Variants in COBL observed in about 807,000 individuals in gnomAD.
COBL encodes protein cordon-bleu.
In COBL, 51 loss-of-function variants were observed where a neutral mutation model predicts 98.8. The ratio of observed to expected loss-of-function variants is 0.52; its 90% confidence interval spans 0.41 to 0.65. The LOEUF is 0.65. Ranked by LOEUF, COBL falls within the 30% of genes least tolerant of loss-of-function variation. The pLI, the probability that COBL is intolerant of heterozygous loss-of-function variation, is 0.00. For missense variants in COBL, 1,617 were observed against 1,617.5 expected, an observed-to-expected ratio of 1.00 and a Z score of 0.01; for synonymous variants, 634 against 651.7, an observed-to-expected ratio of 0.97 and a Z score of 0.41.
rs1201453688 is a variant in COBL at position 51,190,857 on chromosome 7, G to A, written c.678C>T (p.Asn226=). The change falls in exon 4 of 13, where the codon AAC becomes AAT. Residue 226 remains asparagine (N), a synonymous_variant. Coordinates refer to ENST00000265136, the MANE Select transcript of COBL (RefSeq NM_015198.5). ...GACGCAGCGGGGCCTCACCTCTTCT[G>A]TTGTCCCACGCGTAGAGCTCCTTTA... is the stretch of plus-strand genomic sequence containing the variant. The part of the protein sequence containing the change: ...LGIKELYAWD[N]RRETFRKSSL... 6.2e-7 allele frequency: 1 copy of A among 1,613,720 alleles called. No homozygotes were observed. Among genetic ancestry groups the A allele is most frequent in the Non-Finnish European group, 8.5e-7 (1 of 1,179,778 alleles).
chr7:51,024,165 CG>C (rs937254931), intron 12 of COBL, among the ~76,000 whole-genome samples: 1 of 151,884 alleles, frequency 6.6e-6, no homozygotes, highest in Non-Finnish European at 1.5e-5. Context: ...AAAAATTAGC[CG>C]GGCGTGGTGG....
Position 51,025,288 on chromosome 7 carries a change from C to A in COBL, c.3589G>T (p.Asp1197Tyr). ...AQGSESPLLE[D>Y]LGLLSPPAIP... is the part of the protein sequence containing the mutation. Reference sequence around the variant, plus strand: ...GCTGGTGGGGACAGAAGACCAAGGTCTTCTAGCAGAGGACTTTCCGAGCCC... The same window carrying A: ...GCTGGTGGGGACAGAAGACCAAGGTATTCTAGCAGAGGACTTTCCGAGCCC... The change falls in exon 12 of 13, where the codon GAC becomes TAC. Residue 1197 changes from aspartate to tyrosine, a missense_variant. Around this residue, in one of 3 missense-constraint regions of COBL, gnomAD observed 1,304 missense variants for 1,282.0 expected, o/e 1.02. Transcript: ENST00000265136. 6.2e-7 allele frequency: 1 copy of A among 1,611,824 alleles called. No individual in the cohort carries two copies. The highest frequency in any genetic ancestry group is 8.5e-7 in the Non-Finnish European group (1 of 1,179,544).
chr7:51,100,084 C>T (rs747310391), intron 6 of COBL, among the ~76,000 whole-genome samples: 2 of 152,188 alleles, frequency 1.3e-5, no homozygotes, highest in African/African-American at 2.4e-5. Flanking sequence ...TTGTTGATAA[C>T]ACTGAAAGCC....
At chr7:51,055,061 G>A (rs986488117) in intron 7 of COBL, among the ~76,000 whole-genome samples, 3 of 152,274 alleles carry the variant, frequency 2.0e-5, no homozygotes, top group Admixed American at 6.5e-5. Flanking sequence ...AGAGAGAAGA[G>A]GACTTGCAGA....
At chr7:51,188,081 T>G in intron 4 of COBL, 1 of 758,400 alleles carries the variant, frequency 1.3e-6, no homozygotes, top group Non-Finnish European at 1.8e-6. Context: ...TGAGAAGGTC[T>G]CTTGCTGGGT....
chr7:51,023,609 C>T (rs10254832), intron 12 of COBL, among the ~76,000 whole-genome samples: 1,650 of 152,326 alleles, frequency 0.011, 23 homozygotes, highest in African/African-American at 0.038. Flanking sequence ...AAAGTTGTGA[C>T]CTCTGGGTGT....
chr7:51,028,365 T>C lies in COBL; in HGVS notation c.2731A>G (p.Lys911Glu). ...TGTGGGCTGGATGTCCTGTCATCTT[T>C]CACAGTGACAGGTGGTGCAGCCAGC... ...PVLAAPPVTV[K>E]DDRTSSPHSE... The change falls in exon 10 of 13, where the codon AAA becomes GAA. Residue 911 changes from lysine to glutamate, a missense_variant. Transcript: ENST00000265136. 1.2e-6 allele frequency: 2 copies of C among 1,614,278 alleles called. No individual in the cohort carries two copies. Among genetic ancestry groups the C allele is most frequent in the East Asian group, 4.5e-5 (2 of 44,882 alleles).
At position 51,030,961 on chromosome 7, in the gene COBL, A is replaced by G. The variant is rs1356747468; in HGVS notation, c.1407-52T>C. The G allele has an allele frequency of 4.2e-6, 5 of 1,188,698 alleles. No individual in the cohort carries two copies. The Admixed American group carries it at 6.8e-5, about 16-fold the overall frequency. The allele number at this position is 1,188,698 out of a possible 1,614,324, so 73.6% of individuals were successfully genotyped here. ...ACTCATTTCTCTTACTATTGATTTAATGTACTCCTTTCCAGGAATATCTGA... is the reference window on the plus strand; with the variant it reads ...ACTCATTTCTCTTACTATTGATTTAGTGTACTCCTTTCCAGGAATATCTGA... On this transcript the variant is annotated intron_variant, in intron 8 of 12. Transcript: ENST00000265136.
chr7:51,024,843 G>C (rs1054396018), intron 12 of COBL, among the ~76,000 whole-genome samples: 2 of 152,176 alleles, frequency 1.3e-5, no homozygotes, highest in Non-Finnish European at 2.9e-5. Flanking sequence ...GTGGGGTTTA[G>C]ATTCCACCTG....
At chr7:51,100,257 C>T (rs771773779) in intron 6 of COBL, among the ~76,000 whole-genome samples, 4 of 152,186 alleles carry the variant, frequency 2.6e-5, no homozygotes, top group Non-Finnish European at 4.4e-5. Context: ...TTAAATGCCA[C>T]GATTTCACTT....
intron 6 of COBL, among the ~76,000 whole-genome samples, chr7:51,112,819 T>C (rs1020616557): frequency 1.3e-5 from 2 of 152,172 alleles, no homozygotes; most frequent in African/African-American, 4.8e-5. Context: ...AGTTGCCCCA[T>C]CTAGATCTGT....
intron 1 of COBL, among the ~76,000 whole-genome samples, chr7:51,262,613 G>A (rs1342023043): frequency 6.6e-6 from 1 of 152,218 alleles, no homozygotes; most frequent in Non-Finnish European, 1.5e-5. Context: ...AACCAACAGG[G>A]TGCTGGCGGC....
chr7:51,018,817 G>A (rs534898113), intron 12 of COBL, among the ~76,000 whole-genome samples: 33 of 147,450 alleles, frequency 2.2e-4, no homozygotes, highest in Middle Eastern at 3.5e-3. Flanking sequence ...GCTTGAACCC[G>A]GGAGGTAGAG....
At chr7:51,191,301 TAAC>T (rs1790096232) in intron 3 of COBL, among the ~76,000 whole-genome samples, 1 of 152,152 alleles carries the variant, frequency 6.6e-6, no homozygotes, top group Admixed American at 6.5e-5. Context: ...AACAAGCTGC[TAAC>T]AACACAGCGA....
chr7:51,296,892 C>G (rs1402073746), intron 1 of COBL, among the ~76,000 whole-genome samples: 3 of 152,178 alleles, frequency 2.0e-5, no homozygotes, highest in Admixed American at 6.5e-5. Context: ...AAATAGAACT[C>G]CCAGGCTGGC....
At position 51,311,064 on chromosome 7, in the gene COBL, CTACAAAAGTATTTG is replaced by C. The variant is rs547922545; in HGVS notation, c.41+5515_41+5528del. 5.1e-4 allele frequency among the ~76,000 whole-genome samples: 77 copies of C among 152,166 alleles called. No homozygotes were observed. In the South Asian group the frequency reaches 0.015, roughly 30 times the overall value. On this transcript the variant is annotated intron_variant, in intron 1 of 12. Coordinates refer to ENST00000265136, the MANE Select transcript of COBL (RefSeq NM_015198.5). ...GGTGTGGTGCAGGTGGGAACTGGAT[CTACAAAAGTATTTG>C]TACAAAAGTATTTGTGGTCTGGGAA...
chr7:51,253,122 G>A (rs922827317), intron 1 of COBL, among the ~76,000 whole-genome samples: 5 of 152,086 alleles, frequency 3.3e-5, no homozygotes, highest in Non-Finnish European at 5.9e-5. Context: ...TACTCAAGAG[G>A]CTGAGGCAGG....
intron 1 of COBL, among the ~76,000 whole-genome samples, chr7:51,224,960 G>A (rs901476698): frequency 3.3e-5 from 5 of 152,196 alleles, no homozygotes; most frequent in Admixed American, 6.5e-5. Flanking sequence ...GGGGCGGCCC[G>A]TGCATGTGGG....
chr7:51,016,812 A>G lies in COBL; in HGVS notation c.*739T>C. ...TGTCCATGTGGGGCACTGCCCATCC[A>G]CTCCAGTGGTGGTGTGACCTCAGCC... On this transcript the variant is annotated 3_prime_UTR_variant, in exon 13 of 13. Coordinates refer to ENST00000265136, the MANE Select transcript of COBL (RefSeq NM_015198.5). 1 of 397,402 alleles carries G rather than the reference A, an allele frequency of 2.5e-6. No individual in the cohort carries two copies. Among genetic ancestry groups the G allele is most frequent in the Non-Finnish European group, 4.4e-6 (1 of 225,954 alleles). 24.6% of individuals were successfully genotyped at this position (397,402 alleles called of 1,614,324 possible).
Sources: allele counts gnomAD v4.1 joint callset (sites outside exome capture counted in the v4.1 genomes callset), GRCh38; gene constraint gnomAD v4.1.1; regional missense constraint gnomAD v4.1.1; transcripts MANE v1.5; gene names NCBI Gene and HGNC (gene_info 2026-07-23, HGNC 2026-07-21).